Variants in PTPRT observed in about 807,000 individuals in gnomAD.
PTPRT encodes protein tyrosine phosphatase receptor type T, also known as receptor-type tyrosine-protein phosphatase T.
A neutral mutation model predicts 176.8 loss-of-function variants in PTPRT; 56 were observed. The ratio of observed to expected loss-of-function variants is 0.32; its 90% CI spans 0.26 to 0.40. The LOEUF is 0.40. Among genes scored for constraint, PTPRT ranks in the 10% least tolerant of loss-of-function variants. The pLI is 1.00. For missense variants in PTPRT, 1,540 were observed against 1,908.2 expected, an observed-to-expected ratio of 0.81 and a Z score of 3.60; for synonymous variants, 783 against 739.0, an observed-to-expected ratio of 1.06 and a Z score of -0.96.
intron 1 of PTPRT, among the ~76,000 whole-genome samples, chr20:42,976,687 G>C (rs540356723): frequency 1.3e-5 from 2 of 152,068 alleles, no homozygotes; most frequent in Non-Finnish European, 2.9e-5. Context: ...GATTACAGGC[G>C]TGAGCCACCA....
intron 7 of PTPRT, among the ~76,000 whole-genome samples, chr20:42,585,829 AT>A (rs1023476156): frequency 3.9e-4 from 59 of 152,162 alleles, no homozygotes; most frequent in African/African-American, 1.3e-3. Context: ...GGGTCTAATT[AT>A]TTTTTCCCAA....
chr20:42,131,918 A>C (rs1240450016), intron 18 of PTPRT, among the ~76,000 whole-genome samples: 1 of 152,158 alleles, frequency 6.6e-6, no homozygotes, highest in Admixed American at 6.5e-5. Flanking sequence ...TGAAAAAAGC[A>C]AGCACCGTGG....
chr20:42,355,038 C>T (rs1308456481), intron 9 of PTPRT, among the ~76,000 whole-genome samples: 3 of 152,138 alleles, frequency 2.0e-5, no homozygotes, highest in Admixed American at 6.5e-5. Context: ...GTCACCCCTA[C>T]CCACCCCACT....
chr20:42,078,303 T>A lies in PTPRT; in HGVS notation c.*2576A>T, dbSNP rs1019634895. 1.9e-5 allele frequency: 4 copies of A among 209,404 alleles called. No homozygotes were observed. The highest frequency in any genetic ancestry group is 3.9e-5 in the Non-Finnish European group (4 of 102,560). 13.0% of individuals were successfully genotyped at this position (209,404 alleles called of 1,614,324 possible). A position where few individuals can be genotyped will look rare whatever the true frequency, so the allele number is the denominator to read the frequency against. Reference sequence around the variant, plus strand: ...TGGACAGCTCCAGAGCCCATGCCAATGGAAGCAACTTTTGTCGGCTCCTTT... The same window carrying A: ...TGGACAGCTCCAGAGCCCATGCCAAAGGAAGCAACTTTTGTCGGCTCCTTT... On this transcript the variant is annotated 3_prime_UTR_variant, in exon 31 of 31. Coordinates refer to ENST00000373187, the MANE Select transcript of PTPRT (RefSeq NM_007050.6).
intron 1 of PTPRT, among the ~76,000 whole-genome samples, chr20:43,032,668 C>G (rs906297382): frequency 6.6e-6 from 1 of 152,056 alleles, no homozygotes; most frequent in Non-Finnish European, 1.5e-5. Flanking sequence ...CTTAGCCCCC[C>G]GCAGAGCGTC....
At position 42,248,798 on chromosome 20, in the gene PTPRT, G is replaced by GTGT. The variant is rs769836755; in HGVS notation, c.2198_2200dup (p.Asn733dup). 6.2e-7 allele frequency: 1 copy of GTGT among 1,614,060 alleles called. No individual in the cohort carries two copies. Among genetic ancestry groups the GTGT allele is most frequent in the South Asian group, 1.1e-5 (1 of 91,076 alleles). On this transcript the variant is annotated inframe_insertion, in exon 14 of 31. Transcript: ENST00000373187. The stretch of plus-strand genomic sequence containing the variant: ...GTCCACCTGCTTCTCTGGCTCCACA[G>GTGT]TGTTAGAATTCTGGGTGGAGGCACC...
chr20:43,184,308 G>A (rs991876389), intron 1 of PTPRT, among the ~76,000 whole-genome samples: 11 of 152,310 alleles, frequency 7.2e-5, no homozygotes, highest in Non-Finnish European at 5.9e-5. Context: ...GTCTGAAGGT[G>A]CATCTGATGG....
intron 7 of PTPRT, among the ~76,000 whole-genome samples, chr20:42,540,636 T>C (rs749684884): frequency 7.9e-5 from 12 of 152,080 alleles, no homozygotes; most frequent in African/African-American, 9.7e-5. Context: ...CTTTAGATAA[T>C]TGGCAAAGTG....
At chr20:42,111,131 C>T (rs1184346803) in intron 22 of PTPRT, among the ~76,000 whole-genome samples, 1 of 152,168 alleles carries the variant, frequency 6.6e-6, no homozygotes, top group Non-Finnish European at 1.5e-5. Flanking sequence ...CACACCCCTC[C>T]ACCCCTCACA....
chr20:42,887,934 G>A (rs1243997969), intron 1 of PTPRT, among the ~76,000 whole-genome samples: 1 of 152,152 alleles, frequency 6.6e-6, no homozygotes, highest in African/African-American at 2.4e-5. Flanking sequence ...CCTTATAAAA[G>A]ATGCCCTAGG....
At chr20:42,878,692 CTTAG>C (rs888252149) in intron 2 of PTPRT, among the ~76,000 whole-genome samples, 12 of 152,292 alleles carry the variant, frequency 7.9e-5, no homozygotes, top group African/African-American at 2.2e-4. Flanking sequence ...TAACCCACTT[CTTAG>C]TTAGAGTGGA....
At chr20:42,367,487 G>T (rs1252748510) in intron 9 of PTPRT, among the ~76,000 whole-genome samples, 1 of 152,160 alleles carries the variant, frequency 6.6e-6, no homozygotes, top group African/African-American at 2.4e-5. Context: ...CCTTCCTAGA[G>T]TTTACCTTCT....
chr20:42,710,338 AG>A (rs995926894), intron 6 of PTPRT, among the ~76,000 whole-genome samples: 12 of 152,190 alleles, frequency 7.9e-5, no homozygotes, highest in African/African-American at 2.7e-4. Context: ...CCAGAGGCAT[AG>A]GAGGAAAGAA....
chr20:42,138,375 C>T (rs1039261146), intron 18 of PTPRT, among the ~76,000 whole-genome samples: 11 of 152,166 alleles, frequency 7.2e-5, no homozygotes, highest in Admixed American at 7.2e-4. Context: ...AAAGGTCGCA[C>T]CCACCTCTGG....
chr20:42,632,448 C>A (rs989259152), intron 7 of PTPRT, among the ~76,000 whole-genome samples: 1 of 151,992 alleles, frequency 6.6e-6, no homozygotes, highest in African/African-American at 2.4e-5. Context: ...TGGTCTCGAA[C>A]TCCTGACTTT....
chr20:43,008,143 G>A (rs1252136567), intron 1 of PTPRT, among the ~76,000 whole-genome samples: 1 of 152,216 alleles, frequency 6.6e-6, no homozygotes, highest in Non-Finnish European at 1.5e-5. Context: ...TTCATAGGTT[G>A]AAATTCTAAC....
chr20:42,460,855 G>A (rs2071006589), intron 8 of PTPRT, among the ~76,000 whole-genome samples: 1 of 152,170 alleles, frequency 6.6e-6, no homozygotes. Context: ...AAATTACACA[G>A]TTTTAACCAG....
chr20:42,571,332 C>T (rs1159490828), intron 7 of PTPRT, among the ~76,000 whole-genome samples: 1 of 152,142 alleles, frequency 6.6e-6, no homozygotes, highest in Non-Finnish European at 1.5e-5. Flanking sequence ...GAAGATGCTG[C>T]ATTGCTCGAG....
chr20:42,672,940 G>A (rs1280472635), intron 7 of PTPRT, among the ~76,000 whole-genome samples: 1 of 152,176 alleles, frequency 6.6e-6, no homozygotes, highest in Non-Finnish European at 1.5e-5. Context: ...GCCAACCTCT[G>A]CCACCAGTGC....
Sources: gnomAD v4.1 joint callset for allele counts (sites outside exome capture counted in the v4.1 genomes callset) on GRCh38, gnomAD v4.1.1 for gene constraint, MANE v1.5 for transcripts, NCBI Gene and HGNC (gene_info 2026-07-23, HGNC 2026-07-21) for gene names.